Variants in DNAH14 observed in about 807,000 individuals in gnomAD.
DNAH14 encodes the protein axonemal beta dynein heavy chain 14.
DNAH14 carries 478 observed loss-of-function variants against 520.9 expected under a neutral mutation model. That is an observed-to-expected ratio of 0.92 (90% CI 0.85 to 0.99). DNAH14 has a LOEUF of 0.99. Among genes scored for constraint, DNAH14 ranks in the 50% least tolerant of loss-of-function variants. The probability of loss-of-function intolerance (pLI) is 0.00; values close to 1 mark genes in which losing one functional copy is unlikely to be tolerated. For synonymous variants in DNAH14, 1,581 were observed against 1,757.2 expected (o/e 0.90, Z 2.51); for missense variants, 4,831 against 5,234.5 (o/e 0.92, Z 2.38).
In DNAH14 at chr1:225,307,534, T is replaced by C; in HGVS notation, c.9079T>C (p.Leu3027=). The C allele has an allele frequency of 1.3e-6, 2 of 1,547,376 alleles. No homozygotes were observed. The highest frequency in any genetic ancestry group is 1.7e-6 in the Non-Finnish European group (2 of 1,145,750). Reference sequence around the variant, plus strand: ...AGTTACAGAAATGCAAGAAGAGCTCTTGATTCTTGGCCCTCAAGTAGAACA... The same window carrying C: ...AGTTACAGAAATGCAAGAAGAGCTCCTGATTCTTGGCCCTCAAGTAGAACA... ...TLVTEMQEEL[L]ILGPQVEQKT... is the part of the protein sequence containing the mutation. Residue 3027 remains leucine, a synonymous_variant, in exon 59 of 86, where the codon TTG becomes CTG. Transcript: ENST00000682510.
intron 8 of DNAH14, among the ~76,000 whole-genome samples, chr1:224,985,754 G>A (rs892950458): frequency 1.3e-4 from 20 of 151,982 alleles, no homozygotes; most frequent in African/African-American, 4.1e-4. Context: ...GATGAAAAAT[G>A]CAGTTGATCT....
intron 53 of DNAH14, among the ~76,000 whole-genome samples, chr1:225,276,930 TAAG>T (rs1487943385): frequency 2.1e-5 from 2 of 97,328 alleles, no homozygotes; most frequent in East Asian, 3.3e-4. Flanking sequence ...AAAAGAAAAA[TAAG>T]AAGAAGAAAA....
intron 27 of DNAH14, among the ~76,000 whole-genome samples, chr1:225,129,056 T>A (rs1419267966): frequency 6.6e-6 from 1 of 151,980 alleles, no homozygotes; most frequent in Non-Finnish European, 1.5e-5. Flanking sequence ...ATGAGTGAAC[T>A]CCCATTCACA....
At chr1:225,204,158 A>G in intron 38 of DNAH14, 25 bp from the exon 39 acceptor site, 2 of 1,228,376 alleles carry the variant, frequency 1.6e-6, no homozygotes, top group Non-Finnish European at 2.2e-6. Flanking sequence ...ATAAAAATTT[A>G]AACATTATTG....
At chr1:225,007,881 A>G (rs537528904) in intron 10 of DNAH14, among the ~76,000 whole-genome samples, 4 of 151,206 alleles carry the variant, frequency 2.6e-5, no homozygotes, top group Admixed American at 6.6e-5. Flanking sequence ...AAAACAAGAG[A>G]TTTCTGTTTC....
intron 38 of DNAH14, among the ~76,000 whole-genome samples, chr1:225,197,036 A>AG (rs35545925): frequency 0.16 from 23,414 of 149,306 alleles, 2,099 homozygotes; most frequent in East Asian, 0.37. Context: ...GCTGTGCAAA[A>AG]CTCTTTAATT....
At chr1:224,996,318 G>A (rs1037184442) in intron 8 of DNAH14, among the ~76,000 whole-genome samples, 171 of 145,684 alleles carry the variant, frequency 1.2e-3, no homozygotes, top group African/African-American at 4.7e-3. Context: ...CACATCCACT[G>A]AATTATTATT....
At chr1:225,045,682 G>A (rs2067895329) in intron 15 of DNAH14, among the ~76,000 whole-genome samples, 1 of 152,012 alleles carries the variant, frequency 6.6e-6, no homozygotes, top group Non-Finnish European at 1.5e-5. Flanking sequence ...TACCATACTG[G>A]GTGTGTGCCC....
At chr1:225,396,874 T>C (rs1306330614) in intron 84 of DNAH14, 2 of 152,236 alleles carry the variant, frequency 1.3e-5, no homozygotes, top group Admixed American at 1.3e-4. Context: ...CATTGTCAAA[T>C]GCGTTAGATT....
chr1:224,946,456 G>A (rs569680921), intron 1 of DNAH14, among the ~76,000 whole-genome samples: 1 of 152,090 alleles, frequency 6.6e-6, no homozygotes, highest in Non-Finnish European at 1.5e-5. Context: ...TTCGGCTCAC[G>A]CTCGGTGTGC....
chr1:225,184,284 T>C (rs1362246060), intron 36 of DNAH14, among the ~76,000 whole-genome samples: 2 of 151,962 alleles, frequency 1.3e-5, no homozygotes, highest in African/African-American at 4.8e-5. Flanking sequence ...GTTCAACATA[T>C]GCAAATTAAT....
At chr1:225,107,989 T>C (rs1300784734) in intron 23 of DNAH14, among the ~76,000 whole-genome samples, 1 of 152,194 alleles carries the variant, frequency 6.6e-6, no homozygotes, top group Non-Finnish European at 1.5e-5. Context: ...CCTGGGTGTG[T>C]CTGTGAGGTT....
intron 31 of DNAH14, among the ~76,000 whole-genome samples, chr1:225,148,031 C>A (rs556040617): frequency 6.6e-6 from 1 of 152,226 alleles, no homozygotes; most frequent in South Asian, 2.1e-4. Context: ...ATCCAGTCTA[C>A]CATGGGTGGG....
intron 27 of DNAH14, among the ~76,000 whole-genome samples, chr1:225,126,693 A>G (rs1297241468): frequency 6.6e-6 from 1 of 151,724 alleles, no homozygotes; most frequent in Non-Finnish European, 1.5e-5. Flanking sequence ...AGGGTTTTTT[A>G]TGTCTCTCTT....
intron 27 of DNAH14, among the ~76,000 whole-genome samples, chr1:225,140,419 A>G (rs1443339446): frequency 6.6e-6 from 1 of 152,218 alleles, no homozygotes; most frequent in Admixed American, 6.5e-5. Flanking sequence ...TGTTCTAGGT[A>G]TATTACTTCT....
At chr1:224,997,213 T>A (rs918872156) in intron 8 of DNAH14, among the ~76,000 whole-genome samples, 1 of 152,138 alleles carries the variant, frequency 6.6e-6, no homozygotes, top group Non-Finnish European at 1.5e-5. Flanking sequence ...GCCATGCTGT[T>A]ACCCTCTGTG....
At chr1:225,123,444 T>C (rs2077443463) in intron 26 of DNAH14, 83 bp from the exon 27 acceptor site, 1 of 251,070 alleles carries the variant, frequency 4.0e-6, no homozygotes, top group Non-Finnish European at 8.6e-6. Context: ...AAAACTCCCC[T>C]GTGACCTCGT....
chr1:225,163,127 G>A, intron 35 of DNAH14, among the ~76,000 whole-genome samples: 1 of 88,448 alleles, frequency 1.1e-5, no homozygotes, highest in African/African-American at 4.8e-5. Context: ...GACAGCATAA[G>A]ACCCTATCTC....
intron 3 of DNAH14, among the ~76,000 whole-genome samples, chr1:224,958,133 A>T (rs571051222): frequency 2.6e-5 from 4 of 152,072 alleles, no homozygotes; most frequent in Admixed American, 6.6e-5. Context: ...AGGAATTCCC[A>T]CTGATGCTTT....
Sources: allele counts gnomAD v4.1 joint callset (sites outside exome capture counted in the v4.1 genomes callset), GRCh38; gene constraint gnomAD v4.1.1; transcripts MANE v1.5; gene names NCBI Gene and HGNC (gene_info 2026-07-23, HGNC 2026-07-21).